The following GABRB1 variants were observed in gnomAD, a reference collection of about 807,000 sequenced individuals.
The protein encoded by GABRB1 is gamma-aminobutyric acid receptor subunit beta-1.
A neutral mutation model predicts 51.6 loss-of-function variants in GABRB1; 17 were observed. The ratio of observed to expected loss-of-function variants is 0.33; its 90% CI spans 0.23 to 0.49. The LOEUF is 0.49. Among genes scored for constraint, GABRB1 ranks in the 20% least tolerant of loss-of-function variants. The pLI is 0.99. For synonymous variants in GABRB1, 247 were observed against 218.9 expected, an observed-to-expected ratio of 1.13 and a Z score of -1.14; for missense variants, 410 against 600.6, an observed-to-expected ratio of 0.68 and a Z score of 3.32.
intron 1 of GABRB1, chr4:46,994,554 G>T (rs1723920120): frequency 6.6e-6 from 1 of 152,096 alleles, no homozygotes; most frequent in Non-Finnish European, 1.5e-5. Context: ...GTGGGGTATG[G>T]AGAGAAAGGA....
intron 5 of GABRB1, among the ~76,000 whole-genome samples, chr4:47,342,848 T>A (rs1725953294): frequency 6.6e-6 from 1 of 152,100 alleles, no homozygotes; most frequent in South Asian, 2.1e-4. Context: ...AAAGGCACCA[T>A]TCAGGGTATG....
intron 8 of GABRB1, among the ~76,000 whole-genome samples, chr4:47,416,702 T>C (rs1326409833): frequency 6.6e-6 from 1 of 152,132 alleles, no homozygotes; most frequent in East Asian, 1.9e-4. Flanking sequence ...TCAGGCCACC[T>C]CAGCCTCCCA....
chr4:47,328,264 C>T (rs889087555), intron 5 of GABRB1, among the ~76,000 whole-genome samples: 3 of 152,004 alleles, frequency 2.0e-5, no homozygotes, highest in African/African-American at 7.2e-5. Flanking sequence ...CTGTAGGTTG[C>T]CTGTTCACTC....
intron 3 of GABRB1, among the ~76,000 whole-genome samples, chr4:47,033,363 G>A (rs1180586310): frequency 6.6e-6 from 1 of 152,114 alleles, no homozygotes. Context: ...GGCTGGTTCC[G>A]TCCACTGTGT....
At chr4:47,385,997 T>A (rs1727781926) in intron 5 of GABRB1, among the ~76,000 whole-genome samples, 1 of 152,168 alleles carries the variant, frequency 6.6e-6, no homozygotes, top group African/African-American at 2.4e-5. Context: ...CATGCCACCC[T>A]CCCAGCACCT....
chr4:47,288,499 T>A (rs1416664236), intron 4 of GABRB1, among the ~76,000 whole-genome samples: 1 of 152,056 alleles, frequency 6.6e-6, no homozygotes, highest in Non-Finnish European at 1.5e-5. Flanking sequence ...CCTGACCTCA[T>A]GATCCGCCCG....
chr4:47,348,773 G>T (rs1411135501), intron 5 of GABRB1, among the ~76,000 whole-genome samples: 1 of 152,130 alleles, frequency 6.6e-6, no homozygotes, highest in Non-Finnish European at 1.5e-5. Flanking sequence ...AATCACTCTA[G>T]CTGTGGTATG....
chr4:47,018,187 T>C (rs1421150665), intron 1 of GABRB1, among the ~76,000 whole-genome samples: 1 of 151,388 alleles, frequency 6.6e-6, no homozygotes, highest in Non-Finnish European at 1.5e-5. Context: ...CTCTTCTTCT[T>C]CTTTCTTTTT....
At chr4:47,044,119 G>T (rs1411426693) in intron 3 of GABRB1, among the ~76,000 whole-genome samples, 1 of 152,030 alleles carries the variant, frequency 6.6e-6, no homozygotes, top group Non-Finnish European at 1.5e-5. Flanking sequence ...CATTTGAAAA[G>T]CATTTTGCTT....
chr4:47,347,498 T>C (rs1726145047), intron 5 of GABRB1, among the ~76,000 whole-genome samples: 1 of 152,126 alleles, frequency 6.6e-6, no homozygotes, highest in South Asian at 2.1e-4. Flanking sequence ...AAGAATGCCG[T>C]ATATGCTGTT....
At chr4:47,226,476 T>C (rs1439789292) in intron 4 of GABRB1, among the ~76,000 whole-genome samples, 4 of 152,102 alleles carry the variant, frequency 2.6e-5, no homozygotes, top group Non-Finnish European at 5.9e-5. Context: ...ACTAAAAGGA[T>C]TGTGAAAAGA....
rs563924666 is a variant in GABRB1, at chr4:47,125,806, C to T, written c.241-35443C>T. ...TCCTGACCTCGTGATCCGCCCGCCT[C>T]GGCCTCCCAAAGTGCTGGGATTACA... On this transcript the variant is annotated intron_variant, in intron 3 of 8. Transcript: ENST00000295454. Among the ~76,000 whole-genome samples the T allele has an allele frequency of 1.5e-4, 23 of 149,634 alleles. No individual in the cohort carries two copies. In the East Asian group the frequency reaches 3.3e-3, roughly 22 times the overall value.
chr4:47,377,330 G>T (rs1727418605), intron 5 of GABRB1, among the ~76,000 whole-genome samples: 1 of 152,106 alleles, frequency 6.6e-6, no homozygotes, highest in African/African-American at 2.4e-5. Context: ...CAAGAATGAA[G>T]CCGTGGACCC....
In GABRB1 at chr4:47,087,477, G is replaced by A. The variant is rs545832363; in HGVS notation, c.240+54993G>A. 1.4e-4 allele frequency among the ~76,000 whole-genome samples: 21 copies of A among 152,126 alleles called. 1 individual carries two copies. Among genetic ancestry groups the A allele is most frequent in the Admixed American group, 1.1e-3 (17 of 15,290 alleles). The stretch of plus-strand genomic sequence containing the variant: ...CCACTAACCCAGAGGGCTTCACACA[G>A]TGAGGAGGGTGCCTTATTTGGCAGT... On this transcript the variant is annotated intron_variant, in intron 3 of 8. Transcript: ENST00000295454.
At position 47,165,215 on chromosome 4, in the gene GABRB1, A is replaced by G. The variant is rs371017405; in HGVS notation, c.461+3746A>G. Among the ~76,000 whole-genome samples the G allele has an allele frequency of 1.5e-3, 229 of 152,034 alleles. 7 individuals are homozygous for G. In the South Asian group the frequency reaches 0.047, roughly 31 times the overall value. On this transcript the variant is annotated intron_variant, in intron 4 of 8. Transcript: ENST00000295454. The stretch of plus-strand genomic sequence containing the variant: ...CCCTTACTTCCACTTAACTTGGAGG[A>G]GGATTTTTCTCTTTTTTCTAAGGCT...
intron 3 of GABRB1, among the ~76,000 whole-genome samples, chr4:47,095,709 T>C (rs1233660952): frequency 6.6e-6 from 1 of 152,260 alleles, no homozygotes; most frequent in Non-Finnish European, 1.5e-5. Context: ...TGGATATTAA[T>C]GAAGTCTTTG....
intron 5 of GABRB1, among the ~76,000 whole-genome samples, chr4:47,362,140 A>G (rs1168284500): frequency 6.6e-6 from 1 of 152,154 alleles, no homozygotes; most frequent in Non-Finnish European, 1.5e-5. Context: ...AAGCCACTGG[A>G]GGAAAGTTAC....
chr4:47,197,961 C>T (rs544911834), intron 4 of GABRB1, among the ~76,000 whole-genome samples: 36 of 152,308 alleles, frequency 2.4e-4, no homozygotes, highest in African/African-American at 8.7e-4. Context: ...TTCTTAATTA[C>T]AGCACATCTC....
chr4:47,108,806 A>T (rs1715094092), intron 3 of GABRB1, among the ~76,000 whole-genome samples: 1 of 152,016 alleles, frequency 6.6e-6, no homozygotes, highest in African/African-American at 2.4e-5. Flanking sequence ...GAAATGATGA[A>T]TTCCTAATTG....
Sources: allele counts gnomAD v4.1 joint callset (sites outside exome capture counted in the v4.1 genomes callset), GRCh38; gene constraint gnomAD v4.1.1; transcripts MANE v1.5; gene names NCBI Gene and HGNC (gene_info 2026-07-23, HGNC 2026-07-21).